The following PCDHGA5 variants were observed in gnomAD, a reference collection of about 807,000 sequenced individuals.
The protein encoded by PCDHGA5 is protocadherin gamma-A5.
In PCDHGA5, 36 loss-of-function variants were observed where a neutral mutation model predicts 56.7. That is an observed-to-expected ratio of 0.64 (90% CI 0.49 to 0.84). The LOEUF (loss-of-function observed/expected upper bound fraction) is 0.84. PCDHGA5 is among the 40% of genes least tolerant of loss of function. The pLI is 0.00. For missense variants in PCDHGA5, 1,305 were observed against 1,201.5 expected (o/e 1.09, Z -1.27); for synonymous variants, 563 against 520.2 (o/e 1.08, Z -1.12).
intron 1 of PCDHGA5, among the ~76,000 whole-genome samples, chr5:141,401,288 G>A (rs973425272): frequency 1.3e-5 from 2 of 152,094 alleles, no homozygotes; most frequent in Non-Finnish European, 2.9e-5. Flanking sequence ...GTTGCGGTGA[G>A]CCGAGATCAC....
chr5:141,371,961 G>A (rs532361069), intron 1 of PCDHGA5: 18 of 1,613,240 alleles, frequency 1.1e-5, no homozygotes, highest in African/African-American at 2.7e-5. Context: ...CTTCGACCAC[G>A]AGCAGCTGCG....
chr5:141,412,827 A>G (rs977931124), intron 1 of PCDHGA5, among the ~76,000 whole-genome samples: 2 of 152,236 alleles, frequency 1.3e-5, no homozygotes, highest in Non-Finnish European at 2.9e-5. Context: ...ATAGTAAATT[A>G]TTTAAAGATA....
chr5:141,443,167 C>T (rs745545091), intron 1 of PCDHGA5, among the ~76,000 whole-genome samples: 4 of 152,084 alleles, frequency 2.6e-5, no homozygotes, highest in Non-Finnish European at 5.9e-5. Flanking sequence ...TTTCCCTACC[C>T]ATGTCCACTG....
chr5:141,368,497 A>G (rs575171402), intron 1 of PCDHGA5, among the ~76,000 whole-genome samples: 1 of 152,306 alleles, frequency 6.6e-6, no homozygotes, highest in East Asian at 1.9e-4. Flanking sequence ...TCTATACAGT[A>G]GGTGTCGACA....
chr5:141,509,298 C>A (rs974744333), intron 3 of PCDHGA5, among the ~76,000 whole-genome samples: 1 of 152,180 alleles, frequency 6.6e-6, no homozygotes, highest in Non-Finnish European at 1.5e-5. Flanking sequence ...AGGGTGGAGG[C>A]AGAGGGAGGC....
Position 141,422,952 on chromosome 5 carries a change from C to T in PCDHGA5, c.2421+56201C>T, listed in dbSNP as rs759618535. 11 of 1,614,254 alleles carry T rather than the reference C, an allele frequency of 6.8e-6. No homozygotes were observed. The East Asian group carries it at 2.0e-4, about 29-fold the overall frequency. On this transcript the variant is annotated intron_variant, in intron 1 of 3. Coordinates refer to ENST00000518069, the MANE Select transcript of PCDHGA5 (RefSeq NM_018918.3). ...CCCTCCCCACAGACGGCTCCACTGG[C>T]GTGGAGCTGGCGCCCCGCTCTGCGG...
chr5:141,464,144 A>G (rs1305530394), intron 1 of PCDHGA5, among the ~76,000 whole-genome samples: 1 of 152,030 alleles, frequency 6.6e-6, no homozygotes, highest in South Asian at 2.1e-4. Context: ...GGGCGCCTGT[A>G]GTCCCAGCTA....
Position 141,485,096 on chromosome 5 carries a change from C to T in PCDHGA5, c.2422-9711C>T, listed in dbSNP as rs1166994104. On this transcript the variant is annotated intron_variant, in intron 1 of 3. Coordinates refer to ENST00000518069, the MANE Select transcript of PCDHGA5 (RefSeq NM_018918.3). This position sits in a 1 kb window ranked among gnomAD's most constrained non-coding sequence, Gnocchi z 5.7. The stretch of plus-strand genomic sequence containing the variant: ...CGCGGGGAAAGGGAGATAGGTGTCT[C>T]CAGCTGCTGTGGCTGTTTGGGGCGG... The T allele has an allele frequency of 1.8e-6, 2 of 1,125,566 alleles. No homozygotes were observed. The highest frequency in any genetic ancestry group is 3.1e-5 in the African/African-American group (2 of 64,908). 69.7% of individuals were successfully genotyped at this position (1,125,566 alleles called of 1,614,324 possible).
Position 141,485,784 on chromosome 5 carries a change from A to G in PCDHGA5, c.2422-9023A>G, listed in dbSNP as rs760859851. The G allele has an allele frequency of 1.9e-6, 3 of 1,614,096 alleles. No individual in the cohort carries two copies. The African/African-American group carries it at 4.0e-5, about 22-fold the overall frequency. On this transcript the variant is annotated intron_variant, in intron 1 of 3. Transcript: ENST00000518069. This position sits in a 1 kb window ranked among gnomAD's most constrained non-coding sequence, Gnocchi z 5.7. Reference sequence around the variant, plus strand: ...CTGGAGAAGCCTTTGGATCGAGAGAAGCAATCGGACTACCGCCTGGTGCTG... The same window carrying G: ...CTGGAGAAGCCTTTGGATCGAGAGAGGCAATCGGACTACCGCCTGGTGCTG...
At chr5:141,375,246 G>C in intron 1 of PCDHGA5, 1 of 1,613,930 alleles carries the variant, frequency 6.2e-7, no homozygotes, top group South Asian at 1.1e-5. Flanking sequence ...TCCATCCCGA[G>C]AAGTCTCCCA....
In PCDHGA5 at chr5:141,393,293, G is replaced by A. The variant is rs774531655; in HGVS notation, c.2421+26542G>A. On this transcript the variant is annotated intron_variant, in intron 1 of 3. Coordinates refer to ENST00000518069, the MANE Select transcript of PCDHGA5 (RefSeq NM_018918.3). ...ATCCACTCCCAGAAGCTGTTGACCC[G>A]GATGTGGGCGTGAACTCCCTCCAGA... 6.2e-6 allele frequency: 10 copies of A among 1,613,918 alleles called. No homozygotes were observed. The Admixed American group carries it at 8.3e-5, about 13-fold the overall frequency.
Position 141,511,703 on chromosome 5 carries a change from T to G in PCDHGA5, c.*530T>G, listed in dbSNP as rs148447880. On this transcript the variant is annotated 3_prime_UTR_variant, in exon 4 of 4. Coordinates refer to ENST00000518069, the MANE Select transcript of PCDHGA5 (RefSeq NM_018918.3). ...AAAGCATGGTTTGGTGCCAGCCCCT[T>G]CACCTCCTTCCAGAGCCCAAGATCA... The G allele has an allele frequency of 1.1e-4, 21 of 189,942 alleles. No homozygotes were observed. In the East Asian group the frequency reaches 2.4e-3, roughly 22 times the overall value. 11.8% of individuals were successfully genotyped at this position (189,942 alleles called of 1,614,324 possible).
intron 1 of PCDHGA5, among the ~76,000 whole-genome samples, chr5:141,465,966 C>T (rs904439039): frequency 5.3e-5 from 8 of 151,802 alleles, no homozygotes; most frequent in Non-Finnish European, 1.0e-4. Context: ...ACTAAAAATA[C>T]AAAAAATTAG....
intron 2 of PCDHGA5, among the ~76,000 whole-genome samples, chr5:141,501,279 A>T (rs1180397181): frequency 3.0e-5 from 4 of 135,444 alleles, no homozygotes. Context: ...AGTCTATGGG[A>T]TATTCCCTTA....
At chr5:141,501,146 T>C (rs2299023) in intron 2 of PCDHGA5, among the ~76,000 whole-genome samples, 88,663 of 152,012 alleles carry the variant, frequency 0.58, 27,355 homozygotes, top group African/African-American at 0.78. Context: ...GGATTACAGG[T>C]GGGAGCCACC....
At chr5:141,406,908 A>G (rs1256233458) in intron 1 of PCDHGA5, among the ~76,000 whole-genome samples, 2 of 152,204 alleles carry the variant, frequency 1.3e-5, no homozygotes, top group Non-Finnish European at 2.9e-5. Flanking sequence ...GTTTTTAGCT[A>G]TAAGGAAGAG....
intron 1 of PCDHGA5, chr5:141,384,588 G>C: frequency 1.2e-6 from 2 of 1,614,242 alleles, no homozygotes; most frequent in Middle Eastern, 1.6e-4. Context: ...CCGAGATCCT[G>C]TACCCGGCCC....
chr5:141,422,433 T>C, intron 1 of PCDHGA5: 2 of 1,609,628 alleles, frequency 1.2e-6, no homozygotes. Context: ...ATGGAAATTA[T>C]TACAAATTGA....
chr5:141,450,838 T>A (rs2098698352), intron 1 of PCDHGA5, among the ~76,000 whole-genome samples: 1 of 149,278 alleles, frequency 6.7e-6, no homozygotes, highest in African/African-American at 2.5e-5. Flanking sequence ...TATTTTTTTT[T>A]TTTTGAGATG....
Sources: gnomAD v4.1 joint callset for allele counts (sites outside exome capture counted in the v4.1 genomes callset) on GRCh38, gnomAD v4.1.1 for gene constraint, Gnocchi (gnomAD v3.1) non-coding constraint, MANE v1.5 for transcripts, NCBI Gene and HGNC (gene_info 2026-07-23, HGNC 2026-07-21) for gene names.